The following TMEM132D variants were observed in gnomAD, a reference collection of about 807,000 sequenced individuals.
TMEM132D encodes mature OL transmembrane protein.
Under a neutral mutation model 62.3 loss-of-function variants are expected in TMEM132D, and 21 were observed. That is an observed-to-expected ratio of 0.34 (90% CI 0.24 to 0.49). TMEM132D has a LOEUF of 0.49. TMEM132D is among the 20% of genes least tolerant of loss of function. TMEM132D has a pLI of 0.99. For synonymous variants in TMEM132D, 621 were observed against 575.6 expected, an observed-to-expected ratio of 1.08 and a Z score of -1.13; for missense variants, 1,346 against 1,402.8, an observed-to-expected ratio of 0.96 and a Z score of 0.65.
At chr12:129,726,724 T>G (rs550175923) in intron 1 of TMEM132D, among the ~76,000 whole-genome samples, 8 of 152,090 alleles carry the variant, frequency 5.3e-5, no homozygotes, top group Non-Finnish European at 1.2e-4. Context: ...TGAATCCAAG[T>G]GAGTGCTACC....
intron 2 of TMEM132D, among the ~76,000 whole-genome samples, chr12:129,652,058 C>T (rs1358885373): frequency 6.6e-6 from 1 of 152,206 alleles, no homozygotes; most frequent in Non-Finnish European, 1.5e-5. Context: ...ACCTGCAGCT[C>T]TCAGTCAGCC....
In TMEM132D at chr12:129,867,827, C is replaced by T. The variant is rs759162993; in HGVS notation, c.79+35434G>A. Among the ~76,000 whole-genome samples the T allele has an allele frequency of 6.6e-6, 1 of 152,150 alleles. No homozygotes were observed. Among genetic ancestry groups the T allele is most frequent in the South Asian group, 2.1e-4 (1 of 4,834 alleles). ...AAGCCAAAACTAACCTAGTGAAAAA[C>T]AACAGTTGACAGGGGCCAGAGATGG... On this transcript the variant is annotated intron_variant, in intron 1 of 8. Coordinates refer to ENST00000422113, the MANE Select transcript of TMEM132D (RefSeq NM_133448.3). The surrounding 1 kb of genome is among the most constrained non-coding windows in gnomAD (Gnocchi z 4.5).
At chr12:129,407,699 G>A (rs2135703794) in intron 3 of TMEM132D, among the ~76,000 whole-genome samples, 1 of 152,016 alleles carries the variant, frequency 6.6e-6, no homozygotes, top group East Asian at 1.9e-4. Context: ...GAGGTCAGGA[G>A]ATCGAGACCA....
intron 1 of TMEM132D, among the ~76,000 whole-genome samples, chr12:129,741,882 T>C (rs902600545): frequency 2.0e-5 from 3 of 152,200 alleles, no homozygotes; most frequent in Non-Finnish European, 4.4e-5. Flanking sequence ...GTCTTGAAGT[T>C]TCATCCTTAA....
intron 5 of TMEM132D, among the ~76,000 whole-genome samples, chr12:129,122,724 T>A (rs1200905670): frequency 6.6e-6 from 1 of 152,202 alleles, no homozygotes; most frequent in African/African-American, 2.4e-5. Context: ...GATAATGGAG[T>A]ATATGAAATA....
At chr12:129,564,056 T>C (rs1877306979) in intron 2 of TMEM132D, among the ~76,000 whole-genome samples, 1 of 151,882 alleles carries the variant, frequency 6.6e-6, no homozygotes, top group Admixed American at 6.5e-5. Context: ...AACTAAGACG[T>C]TTCAGGGTAT....
intron 4 of TMEM132D, among the ~76,000 whole-genome samples, chr12:129,256,917 C>T (rs1880415307): frequency 6.6e-6 from 1 of 152,096 alleles, no homozygotes; most frequent in Non-Finnish European, 1.5e-5. Context: ...ATTGAGATCC[C>T]AGGTACCATA....
At chr12:129,660,659 C>T (rs572035297) in intron 2 of TMEM132D, among the ~76,000 whole-genome samples, 8 of 152,160 alleles carry the variant, frequency 5.3e-5, no homozygotes, top group African/African-American at 1.9e-4. Flanking sequence ...GTCAGCAAAG[C>T]ATGAGGAGTC....
intron 2 of TMEM132D, among the ~76,000 whole-genome samples, chr12:129,542,311 A>G (rs996684570): frequency 6.6e-6 from 1 of 152,142 alleles, no homozygotes; most frequent in Non-Finnish European, 1.5e-5. Context: ...ATTGAACTGT[A>G]TTGCTATTTT....
chr12:129,261,325 G>A lies in TMEM132D; in HGVS notation c.1300-51662C>T, dbSNP rs192764487. 5.0e-3 allele frequency among the ~76,000 whole-genome samples: 765 copies of A among 152,206 alleles called. 8 individuals carry two copies. The highest frequency in any genetic ancestry group is 8.2e-3 in the Non-Finnish European group (560 of 68,006). ...GGGAAGTAATTGAATCATGGGGGTGGGTTTCCCTGTGCTGTTCTTGTGACA... is the reference window on the plus strand; with the variant it reads ...GGGAAGTAATTGAATCATGGGGGTGAGTTTCCCTGTGCTGTTCTTGTGACA... On this transcript the variant is annotated intron_variant, in intron 4 of 8. Coordinates refer to ENST00000422113, the MANE Select transcript of TMEM132D (RefSeq NM_133448.3).
chr12:129,229,087 C>T (rs561064480), intron 4 of TMEM132D, among the ~76,000 whole-genome samples: 9 of 152,272 alleles, frequency 5.9e-5, no homozygotes, highest in East Asian at 5.8e-4. Context: ...TGCCTCTAGA[C>T]GAGCAACACA....
At chr12:129,094,907 C>T (rs10847762) in intron 5 of TMEM132D, among the ~76,000 whole-genome samples, 65,280 of 151,472 alleles carry the variant, frequency 0.43, 14,597 homozygotes, top group East Asian at 0.62. Context: ...CTGGAAACCA[C>T]CATTCTCAGC....
At chr12:129,190,260 T>C (rs112278301) in intron 5 of TMEM132D, among the ~76,000 whole-genome samples, 11 of 34,208 alleles carry the variant, frequency 3.2e-4, no homozygotes, top group Admixed American at 6.4e-4. Context: ...GGAGGGAGTC[T>C]CAGGCCTGCA....
intron 1 of TMEM132D, among the ~76,000 whole-genome samples, chr12:129,846,164 C>T (rs1467507269): frequency 6.6e-6 from 1 of 152,182 alleles, no homozygotes; most frequent in Non-Finnish European, 1.5e-5. Flanking sequence ...TCACCTCCTA[C>T]CTCAAACTGA....
At chr12:129,593,056 AG>A (rs1294095831) in intron 2 of TMEM132D, among the ~76,000 whole-genome samples, 1 of 152,186 alleles carries the variant, frequency 6.6e-6, no homozygotes, top group African/African-American at 2.4e-5. Context: ...GAGACCTATG[AG>A]GTTCAGGTTT....
intron 1 of TMEM132D, among the ~76,000 whole-genome samples, chr12:129,897,018 T>C (rs1875162462): frequency 6.6e-6 from 1 of 152,206 alleles, no homozygotes; most frequent in African/African-American, 2.4e-5. Context: ...GGGTGCACCT[T>C]GGGTGACTCC....
intron 5 of TMEM132D, among the ~76,000 whole-genome samples, chr12:129,172,915 G>T (rs1464411374): frequency 6.6e-6 from 1 of 152,148 alleles, no homozygotes; most frequent in Non-Finnish European, 1.5e-5. Flanking sequence ...GAATAGGCAG[G>T]CCCGAGGAGA....
intron 3 of TMEM132D, among the ~76,000 whole-genome samples, chr12:129,512,512 C>A (rs1414366774): frequency 1.3e-5 from 2 of 152,104 alleles, no homozygotes; most frequent in Admixed American, 6.5e-5. Context: ...AGTCATAAAC[C>A]CAGCAATATT....
At chr12:129,392,043 C>T (rs1323188082) in intron 3 of TMEM132D, among the ~76,000 whole-genome samples, 1 of 151,886 alleles carries the variant, frequency 6.6e-6, no homozygotes, top group Non-Finnish European at 1.5e-5. Context: ...AGGCGTGAGC[C>T]ACCATGCCTG....
Sources: gnomAD v4.1 joint callset for allele counts (sites outside exome capture counted in the v4.1 genomes callset) on GRCh38, gnomAD v4.1.1 for gene constraint, Gnocchi (gnomAD v3.1) non-coding constraint, MANE v1.5 for transcripts, NCBI Gene and HGNC (gene_info 2026-07-23, HGNC 2026-07-21) for gene names.